The following CACNB4 variants were observed in gnomAD, a reference collection of about 807,000 sequenced individuals.
CACNB4 encodes the protein voltage-dependent L-type calcium channel subunit beta-4.
Under a neutral mutation model 71.2 loss-of-function variants are expected in CACNB4, and 32 were observed. The observed-to-expected ratio is 0.45, with a 90% CI of 0.34 to 0.60. The LOEUF (loss-of-function observed/expected upper bound fraction) is 0.60, where lower values mean the gene tolerates loss of function less well. Ranked by LOEUF, CACNB4 falls within the 20% of genes least tolerant of loss-of-function variation. The pLI, the probability that CACNB4 is intolerant of heterozygous loss-of-function variation, is 0.01. For synonymous variants in CACNB4, 231 were observed against 236.9 expected (o/e 0.97, Z 0.23); for missense variants, 464 against 647.9 (o/e 0.72, Z 3.08).
chr2:151,959,524 T>C (rs2099869114), intron 2 of CACNB4, among the ~76,000 whole-genome samples: 1 of 152,204 alleles, frequency 6.6e-6, no homozygotes, highest in Non-Finnish European at 1.5e-5. Flanking sequence ...TCTATGTAAA[T>C]GCAGCACTCA....
intron 2 of CACNB4, among the ~76,000 whole-genome samples, chr2:152,049,969 C>G (rs1053868417): frequency 6.6e-6 from 1 of 152,354 alleles, no homozygotes; most frequent in East Asian, 1.9e-4. Context: ...TCTCAACCAA[C>G]CAGACCACAG....
intron 2 of CACNB4, among the ~76,000 whole-genome samples, chr2:151,933,147 A>G (rs968043885): frequency 6.6e-5 from 10 of 150,894 alleles, no homozygotes; most frequent in Admixed American, 5.9e-4. Context: ...GGCTGGTGCA[A>G]AAGTAATTGT....
chr2:151,881,597 T>C (rs2151446029), intron 3 of CACNB4, among the ~76,000 whole-genome samples: 1 of 152,320 alleles, frequency 6.6e-6, no homozygotes, highest in Non-Finnish European at 1.5e-5. Flanking sequence ...GCCACCCAAA[T>C]TCGGGTGACC....
intron 2 of CACNB4, among the ~76,000 whole-genome samples, chr2:152,012,739 G>T (rs1683132188): frequency 6.6e-6 from 1 of 152,138 alleles, no homozygotes; most frequent in African/African-American, 2.4e-5. Flanking sequence ...AGGTTAAAAA[G>T]AAGTTAAAGT....
At chr2:152,014,693 T>C (rs1181499100) in intron 2 of CACNB4, among the ~76,000 whole-genome samples, 3 of 150,668 alleles carry the variant, frequency 2.0e-5, no homozygotes, top group African/African-American at 7.3e-5. Flanking sequence ...ATTGCACCAC[T>C]GCACTCCAGC....
intron 2 of CACNB4, among the ~76,000 whole-genome samples, chr2:152,076,862 A>G (rs1687059940): frequency 6.6e-6 from 1 of 152,254 alleles, no homozygotes; most frequent in African/African-American, 2.4e-5. Flanking sequence ...TTTGGAGCTT[A>G]CATTCCAGTG....
chr2:152,091,296 C>T (rs1687960069), intron 2 of CACNB4, among the ~76,000 whole-genome samples: 1 of 152,108 alleles, frequency 6.6e-6, no homozygotes, highest in East Asian at 1.9e-4. Context: ...TAAGCGCGAA[C>T]TTTTTAAAGT....
chr2:152,052,616 A>G (rs1685503139), intron 2 of CACNB4, among the ~76,000 whole-genome samples: 1 of 152,102 alleles, frequency 6.6e-6, no homozygotes, highest in Non-Finnish European at 1.5e-5. Flanking sequence ...TTAAAGTTAA[A>G]CCATCTTAAG....
chr2:151,913,963 C>G (rs768121543), intron 2 of CACNB4, among the ~76,000 whole-genome samples: 2 of 152,088 alleles, frequency 1.3e-5, no homozygotes, highest in Admixed American at 1.3e-4. Flanking sequence ...TGGGGTTGAT[C>G]TTCTCATGGA....
chr2:152,071,374 GAGTTACAGA>G (rs1280496609), intron 2 of CACNB4, among the ~76,000 whole-genome samples: 8 of 152,302 alleles, frequency 5.3e-5, no homozygotes, highest in Admixed American at 3.9e-4. Context: ...AGGGGTGAGA[GAGTTACAGA>G]AGATCTGGCA....
chr2:151,949,638 T>A, intron 2 of CACNB4, among the ~76,000 whole-genome samples: 1 of 152,154 alleles, frequency 6.6e-6, no homozygotes, highest in East Asian at 1.9e-4. Context: ...GCAAGGGCCA[T>A]GATGTCAAGG....
rs181914658 is a variant in CACNB4, at chr2:151,842,136, C to T, written c.1117-48G>A. On this transcript the variant is annotated intron_variant, in intron 12 of 13. Coordinates refer to ENST00000539935, the MANE Select transcript of CACNB4 (RefSeq NM_000726.5). ...CTTTACTTCCATTTTAGGTTTTAGG[C>T]AATGAAACCTAAAATTCCACTTAAC... The T allele has an allele frequency of 2.4e-4, 357 of 1,504,840 alleles. 1 individual carries two copies. In the African/African-American group the frequency reaches 4.5e-3, roughly 19 times the overall value. The allele number at this position is 1,504,840 out of a possible 1,614,324, so 93.2% of individuals were successfully genotyped here.
intron 2 of CACNB4, among the ~76,000 whole-genome samples, chr2:151,980,511 C>T (rs534003556): frequency 1.3e-5 from 2 of 152,304 alleles, no homozygotes; most frequent in Non-Finnish European, 1.5e-5. Context: ...AATGTGAGTT[C>T]TGTGGGAAGA....
intron 9 of CACNB4, 76 bp downstream of exon 9, chr2:151,869,101 A>G: frequency 1.2e-6 from 1 of 840,904 alleles, no homozygotes; most frequent in Non-Finnish European, 2.0e-6. Context: ...CTCTGGAAAC[A>G]TAGATCTACA....
chr2:151,957,257 C>CGTGTATGTGTAT (rs3068823), intron 2 of CACNB4, among the ~76,000 whole-genome samples: 27 of 131,870 alleles, frequency 2.0e-4, no homozygotes, highest in Non-Finnish European at 3.4e-4. Context: ...AGTGGCTGGG[C>CGTGTATGTGTAT]GTGTGTGTGT....
At chr2:152,057,588 G>A (rs1685789860) in intron 2 of CACNB4, among the ~76,000 whole-genome samples, 1 of 151,974 alleles carries the variant, frequency 6.6e-6, no homozygotes, top group South Asian at 2.1e-4. Context: ...AGAATCCTTT[G>A]GCCACTAGAT....
rs372215109 is a variant in CACNB4, at chr2:152,021,174, G to A, written c.147+77156C>T. On this transcript the variant is annotated intron_variant, in intron 2 of 13. Coordinates refer to ENST00000539935, the MANE Select transcript of CACNB4 (RefSeq NM_000726.5). ...AGGCAGGGGAATCGCTTGAACCCGG[G>A]AGGCGGAGGTTGCAGTGAGCAGAGA... Among the ~76,000 whole-genome samples the A allele has an allele frequency of 4.5e-4, 68 of 152,326 alleles. No individual in the cohort carries two copies. The East Asian group carries it at 0.013, about 28-fold the overall frequency.
At position 152,098,219 on chromosome 2, in the gene CACNB4, G is replaced by C. The variant is rs1009179452; in HGVS notation, c.147+111C>G. 8 of 771,460 alleles carry C rather than the reference G, an allele frequency of 1.0e-5. No homozygotes were observed. The highest frequency in any genetic ancestry group is 1.7e-5 in the Non-Finnish European group (8 of 458,752). The allele number at this position is 771,460 out of a possible 1,614,324, so 47.8% of individuals were successfully genotyped here. On this transcript the variant is annotated intron_variant, in intron 2 of 13. Coordinates refer to ENST00000539935, the MANE Select transcript of CACNB4 (RefSeq NM_000726.5). This position sits in a 1 kb window ranked among gnomAD's most constrained non-coding sequence, Gnocchi z 5.3. ...ACCGGCCGAGGCCGGGAAGAGACGC[G>C]CGCGGGCTTGACCCGCAGCTCCCGC...
chr2:151,923,109 CA>C (rs2099859371), intron 2 of CACNB4, among the ~76,000 whole-genome samples: 1 of 152,192 alleles, frequency 6.6e-6, no homozygotes, highest in Non-Finnish European at 1.5e-5. Context: ...AAATGGAGAG[CA>C]CATGAAAGTA....
Sources: gnomAD v4.1 joint callset for allele counts (sites outside exome capture counted in the v4.1 genomes callset) on GRCh38, gnomAD v4.1.1 for gene constraint, Gnocchi (gnomAD v3.1) non-coding constraint, MANE v1.5 for transcripts, NCBI Gene and HGNC (gene_info 2026-07-23, HGNC 2026-07-21) for gene names.